AFG2A: variants seen among roughly 807,000 people sequenced by gnomAD.
The protein encoded by AFG2A is AAA ATPase AFG2A.
At chr4:122,960,262 A>G in the AFG2A span, among the ~76,000 whole-genome samples, 1 of 152,212 alleles carries the variant, frequency 6.6e-6, no homozygotes, top group African/African-American at 2.4e-5. Context: ...ATTCCCTCAA[A>G]ATTTATAATG....
the AFG2A span, among the ~76,000 whole-genome samples, chr4:123,027,828 T>A: frequency 6.6e-6 from 1 of 152,214 alleles, no homozygotes; most frequent in Non-Finnish European, 1.5e-5. Flanking sequence ...AGAAATTAGA[T>A]ATATAGATGA....
chr4:123,006,888 C>T, the AFG2A span, among the ~76,000 whole-genome samples: 1 of 75,384 alleles, frequency 1.3e-5, no homozygotes, highest in Admixed American at 1.5e-4. Context: ...TGTTTCTTTG[C>T]ATGCTTGTTA....
At chr4:123,257,371 T>TAAGTTGAAAATAAC in the AFG2A span, among the ~76,000 whole-genome samples, 1 of 152,204 alleles carries the variant, frequency 6.6e-6, no homozygotes, top group Non-Finnish European at 1.5e-5. Context: ...AAATCCATCT[T>TAAGTTGAAAATAAC]AAGTTGAAAA....
chr4:123,132,358 C>T, the AFG2A span, among the ~76,000 whole-genome samples: 1 of 152,070 alleles, frequency 6.6e-6, no homozygotes, highest in Non-Finnish European at 1.5e-5. Context: ...TTAGATTCCA[C>T]ATATAAGTGA....
chr4:123,125,205 T>A, the AFG2A span, among the ~76,000 whole-genome samples: 1 of 152,212 alleles, frequency 6.6e-6, no homozygotes, highest in Non-Finnish European at 1.5e-5. Context: ...CTCTTGAGAC[T>A]GGACATCTCC....
the AFG2A span, among the ~76,000 whole-genome samples, chr4:123,028,942 A>G: frequency 6.6e-6 from 1 of 152,232 alleles, no homozygotes; most frequent in Non-Finnish European, 1.5e-5. Context: ...GTAGTTGTAC[A>G]CTTACTTTAG....
the AFG2A span, among the ~76,000 whole-genome samples, chr4:123,031,531 A>T: frequency 6.6e-6 from 1 of 152,208 alleles, no homozygotes; most frequent in Non-Finnish European, 1.5e-5. Flanking sequence ...TTCAACCTAT[A>T]TATTTGTTTT....
chr4:123,117,347 C>T, the AFG2A span, among the ~76,000 whole-genome samples: 1 of 151,310 alleles, frequency 6.6e-6, no homozygotes, highest in Non-Finnish European at 1.5e-5. Flanking sequence ...CACATACACA[C>T]CTAGTGACTT....
chr4:123,075,509 A>G, the AFG2A span, among the ~76,000 whole-genome samples: 1 of 151,924 alleles, frequency 6.6e-6, no homozygotes, highest in Non-Finnish European at 1.5e-5. Flanking sequence ...CATGTTGGTG[A>G]ACCTGGTCTC....
At chr4:123,151,714 A>G in the AFG2A span, among the ~76,000 whole-genome samples, 4 of 152,200 alleles carry the variant, frequency 2.6e-5, no homozygotes, top group Non-Finnish European at 5.9e-5. Context: ...TGTGGAAGAC[A>G]GTGTGGCGAT....
the AFG2A span, among the ~76,000 whole-genome samples, chr4:123,204,604 T>C: frequency 8.9e-4 from 135 of 152,370 alleles, 1 homozygote; most frequent in Middle Eastern, 3.4e-3. Flanking sequence ...TTTCTCTCAT[T>C]CTGTAGCTTG....
chr4:123,132,666 T>C, the AFG2A span, among the ~76,000 whole-genome samples: 2 of 149,412 alleles, frequency 1.3e-5, no homozygotes. Flanking sequence ...CTTTATTCAT[T>C]CTCTGTCAAT....
the AFG2A span, among the ~76,000 whole-genome samples, chr4:123,274,148 A>G: frequency 1.3e-5 from 2 of 152,096 alleles, no homozygotes; most frequent in African/African-American, 2.4e-5. Flanking sequence ...TTCCTCAATT[A>G]TTTTAATATT....
At chr4:123,155,590 A>T in the AFG2A span, among the ~76,000 whole-genome samples, 1 of 149,978 alleles carries the variant, frequency 6.7e-6, no homozygotes, top group Non-Finnish European at 1.5e-5. Flanking sequence ...ACAAAAATTA[A>T]CAATACAGCA....
chr4:123,284,777 C>T, the AFG2A span, among the ~76,000 whole-genome samples: 1 of 152,118 alleles, frequency 6.6e-6, no homozygotes, highest in Admixed American at 6.6e-5. Flanking sequence ...GTAACCCTTC[C>T]AGTAATTTTA....
At chr4:123,059,435 A>C in the AFG2A span, among the ~76,000 whole-genome samples, 11,231 of 151,520 alleles carry the variant, frequency 0.074, 604 homozygotes, top group African/African-American at 0.15. Flanking sequence ...TAGTTTACTG[A>C]GAATGATGAT....
chr4:122,959,634 G>C, the AFG2A span, among the ~76,000 whole-genome samples: 4 of 152,198 alleles, frequency 2.6e-5, no homozygotes, highest in African/African-American at 9.7e-5. Flanking sequence ...GAATTTCTTA[G>C]AACATAGTGA....
the AFG2A span, among the ~76,000 whole-genome samples, chr4:123,080,286 T>C: frequency 2.0e-5 from 3 of 152,334 alleles, no homozygotes; most frequent in East Asian, 5.8e-4. Flanking sequence ...GTTTGTGCTC[T>C]CACTCTCTCT....
At chr4:123,318,396 A>G in the AFG2A span, 5 of 152,244 alleles carry the variant, frequency 3.3e-5, no homozygotes, top group African/African-American at 9.6e-5. Context: ...TTAGAACATT[A>G]TATCTTTAGT....
Sources: allele counts gnomAD v4.1 joint callset (sites outside exome capture counted in the v4.1 genomes callset), GRCh38; gene constraint gnomAD v4.1.1; transcripts MANE v1.5; gene names NCBI Gene and HGNC (gene_info 2026-07-23, HGNC 2026-07-21).